USP14: variants seen among roughly 807,000 people sequenced by gnomAD.
USP14 encodes the protein ubiquitin carboxyl-terminal hydrolase 14.
Under a neutral mutation model 76.5 loss-of-function variants are expected in USP14, and 38 were observed. That is an observed-to-expected ratio of 0.50 (90% CI 0.38 to 0.65). The LOEUF is 0.65. Ranked by LOEUF, USP14 falls within the 30% of genes least tolerant of loss-of-function variation. The probability of loss-of-function intolerance (pLI) is 0.00; values close to 1 mark genes in which losing one functional copy is unlikely to be tolerated. For synonymous variants in USP14, 192 were observed against 191.7 expected (o/e 1.00, Z -0.01); for missense variants, 467 against 586.5 (o/e 0.80, Z 2.10).
intron 5 of USP14, among the ~76,000 whole-genome samples, chr18:182,684 G>C (rs1909818488): frequency 6.6e-6 from 1 of 152,190 alleles, no homozygotes; most frequent in Non-Finnish European, 1.5e-5. Flanking sequence ...GAGTTCATCA[G>C]GGGTATCTGA....
chr18:192,078 A>G (rs1161422196), intron 5 of USP14, among the ~76,000 whole-genome samples: 1 of 152,258 alleles, frequency 6.6e-6, no homozygotes, highest in Non-Finnish European at 1.5e-5. Context: ...CAGTTTACAG[A>G]TGAGCAAACT....
chr18:177,446 T>C (rs1255034681), intron 3 of USP14, among the ~76,000 whole-genome samples: 1 of 150,732 alleles, frequency 6.6e-6, no homozygotes, highest in African/African-American at 2.4e-5. Flanking sequence ...AAAAAAAAAT[T>C]CTGTAGTGAT....
intron 4 of USP14, among the ~76,000 whole-genome samples, chr18:179,910 G>T (rs1909738781): frequency 6.6e-6 from 1 of 151,380 alleles, no homozygotes; most frequent in African/African-American, 2.4e-5. Context: ...CTGTTATTTT[G>T]CTTTTTGTTT....
chr18:207,521 A>G (rs912546083), intron 13 of USP14, among the ~76,000 whole-genome samples: 2 of 144,492 alleles, frequency 1.4e-5, no homozygotes, highest in African/African-American at 5.0e-5. Context: ...TCCACAAAAA[A>G]TACAGAAATT....
At chr18:202,418 CTG>C (rs1910407782) in intron 10 of USP14, among the ~76,000 whole-genome samples, 1 of 152,156 alleles carries the variant, frequency 6.6e-6, no homozygotes, top group African/African-American at 2.4e-5. Context: ...ACAGAGGTTT[CTG>C]TGTTATGACT....
chr18:180,362 G>C, intron 5 of USP14, 23 bp downstream of exon 5: 1 of 1,469,794 alleles, frequency 6.8e-7, no homozygotes, highest in Non-Finnish European at 9.4e-7. Flanking sequence ...TCTTTTTTGG[G>C]TAAGGGATGT....
chr18:169,714 G>A (rs980835785), intron 3 of USP14, among the ~76,000 whole-genome samples: 4 of 152,032 alleles, frequency 2.6e-5, no homozygotes, highest in African/African-American at 4.8e-5. Flanking sequence ...ACCTTGCATC[G>A]AGCAAGTTTA....
intron 6 of USP14, 111 bp from the exon 7 acceptor site, chr18:196,526 A>G (rs1910240852): frequency 3.4e-5 from 44 of 1,304,914 alleles, no homozygotes; most frequent in Non-Finnish European, 4.4e-5. Flanking sequence ...TCCATCTCAA[A>G]AAAAAAAAAA....
chr18:211,388 T>C lies in USP14; in HGVS notation c.*104T>C. 7.9e-7 allele frequency: 1 copy of C among 1,260,754 alleles called. No individual in the cohort carries two copies. The highest frequency in any genetic ancestry group is 1.1e-6 in the Non-Finnish European group (1 of 925,372). The allele number at this position is 1,260,754 out of a possible 1,614,324, so 78.1% of individuals were successfully genotyped here. ...GAAGACACATAGGTGGGTTTATGTT[T>C]CACCTCATTTGGAACAAAAGAGGAC... On this transcript the variant is annotated 3_prime_UTR_variant, in exon 16 of 16. Coordinates refer to ENST00000261601, the MANE Select transcript of USP14 (RefSeq NM_005151.4).
At chr18:194,353 G>A (rs1036133530) in intron 6 of USP14, among the ~76,000 whole-genome samples, 2 of 152,180 alleles carry the variant, frequency 1.3e-5, no homozygotes, top group African/African-American at 4.8e-5. Flanking sequence ...AGCTTCTGCA[G>A]CATCATATAT....
At chr18:194,412 G>T (rs777388434) in intron 6 of USP14, among the ~76,000 whole-genome samples, 7 of 152,004 alleles carry the variant, frequency 4.6e-5, no homozygotes, top group Non-Finnish European at 1.0e-4. Context: ...TTACATTTTT[G>T]CTTCTTGATT....
At chr18:204,834 C>T (rs1385696977) in intron 13 of USP14, 142 bp downstream of exon 13, 32 of 883,114 alleles carry the variant, frequency 3.6e-5, no homozygotes, top group Non-Finnish European at 5.2e-5. Flanking sequence ...ATCTGTATTA[C>T]AATTAGCAGG....
chr18:202,866 A>G lies in USP14; in HGVS notation c.877-14A>G. 1.2e-6 allele frequency: 2 copies of G among 1,613,884 alleles called. No homozygotes were observed. The highest frequency in any genetic ancestry group is 1.7e-6 in the Non-Finnish European group (2 of 1,179,866). On this transcript the variant is annotated splice_polypyrimidine_tract_variant and intron_variant, in intron 10 of 15. Transcript: ENST00000261601. The stretch of plus-strand genomic sequence containing the variant: ...TAAAACTAATGTTTGGTCTTCTGTT[A>G]TGTTCTTTCTTAGCGACTTCAGGAA...
chr18:184,864 G>C (rs1909885272), intron 5 of USP14, among the ~76,000 whole-genome samples: 1 of 152,178 alleles, frequency 6.6e-6, no homozygotes, highest in Non-Finnish European at 1.5e-5. Flanking sequence ...AGCTTAAGAG[G>C]CAGTAAGGAT....
chr18:168,907 T>TA (rs372757246), intron 3 of USP14, among the ~76,000 whole-genome samples: 22,630 of 146,978 alleles, frequency 0.15, 2,163 homozygotes, highest in Non-Finnish European at 0.23. Flanking sequence ...CCGTCTCTAC[T>TA]AAAAAAAAAA....
intron 10 of USP14, among the ~76,000 whole-genome samples, chr18:200,621 G>A (rs570627557): frequency 6.6e-6 from 1 of 152,242 alleles, no homozygotes; most frequent in East Asian, 1.9e-4. Flanking sequence ...ATAAGCCCAT[G>A]GATAAAACAT....
intron 6 of USP14, among the ~76,000 whole-genome samples, chr18:195,627 T>C (rs2143061952): frequency 6.6e-6 from 1 of 152,294 alleles, no homozygotes; most frequent in Middle Eastern, 3.4e-3. Context: ...CTGAAGAAGG[T>C]AAATTCTTAG....
intron 2 of USP14, among the ~76,000 whole-genome samples, chr18:166,136 A>G (rs774503287): frequency 1.3e-5 from 2 of 152,194 alleles, no homozygotes; most frequent in Non-Finnish European, 2.9e-5. Context: ...CTGGTTCCAA[A>G]CATCCAAAAA....
In USP14 at chr18:196,557, T is replaced by C. The variant is rs1910241889; in HGVS notation, c.464-80T>C. 6.8e-6 allele frequency: 10 copies of C among 1,469,320 alleles called. No individual in the cohort carries two copies. In the Admixed American group the frequency reaches 2.3e-4, roughly 33 times the overall value. The allele number at this position is 1,469,320 out of a possible 1,614,324, so 91.0% of individuals were successfully genotyped here. Reference sequence around the variant, plus strand: ...AAAAAATTAAGTAAGTTTTTGTTTGTATTAATTAAAATTAATTTACAGTCG... The same window carrying C: ...AAAAAATTAAGTAAGTTTTTGTTTGCATTAATTAAAATTAATTTACAGTCG... On this transcript the variant is annotated intron_variant, in intron 6 of 15. Transcript: ENST00000261601.
Sources: gnomAD v4.1 joint callset for allele counts (sites outside exome capture counted in the v4.1 genomes callset) on GRCh38, gnomAD v4.1.1 for gene constraint, MANE v1.5 for transcripts, NCBI Gene and HGNC (gene_info 2026-07-23, HGNC 2026-07-21) for gene names.